The following MARCO variants were observed in gnomAD, a reference collection of about 807,000 sequenced individuals.
MARCO encodes the protein macrophage receptor MARCO.
In MARCO, 72 loss-of-function variants were observed where a neutral mutation model predicts 70.0. The ratio of observed to expected loss-of-function variants is 1.03; its 90% CI spans 0.85 to 1.25. MARCO has a LOEUF of 1.25. Among genes scored for constraint, MARCO ranks in the 50% most tolerant of loss-of-function variants. MARCO has a pLI of 0.00. For synonymous variants in MARCO, 273 were observed against 243.1 expected (o/e 1.12, Z -1.14); for missense variants, 696 against 659.3 (o/e 1.06, Z -0.61).
In MARCO at chr2:118,971,625, G is replaced by A. The variant is rs561349737; in HGVS notation, c.460+91G>A. On this transcript the variant is annotated intron_variant, in intron 4 of 16. Coordinates refer to ENST00000327097, the MANE Select transcript of MARCO (RefSeq NM_006770.4). The stretch of plus-strand genomic sequence containing the variant: ...GCCTGTGCCATTCTGGGTCTGGACA[G>A]CTGACCCTAGCTTACCTTCCCCTGT... 4.7e-6 allele frequency: 6 copies of A among 1,271,270 alleles called. No homozygotes were observed. The South Asian group carries it at 6.4e-5, about 14-fold the overall frequency. 78.7% of individuals were successfully genotyped at this position (1,271,270 alleles called of 1,614,324 possible).
chr2:118,984,601 T>C (rs1680451301), intron 12 of MARCO, among the ~76,000 whole-genome samples: 1 of 152,216 alleles, frequency 6.6e-6, no homozygotes, highest in African/African-American at 2.4e-5. Context: ...TAGCTGACAG[T>C]CCACATGGAC....
intron 1 of MARCO, among the ~76,000 whole-genome samples, chr2:118,965,291 A>G (rs974064345): frequency 1.3e-5 from 2 of 152,158 alleles, no homozygotes; most frequent in Admixed American, 1.3e-4. Context: ...CTATTGTTCT[A>G]TCATCGAGTT....
intron 8 of MARCO, among the ~76,000 whole-genome samples, chr2:118,981,146 C>T (rs899040813): frequency 6.6e-6 from 1 of 151,886 alleles, no homozygotes; most frequent in Non-Finnish European, 1.5e-5. Flanking sequence ...GGCTATTGTC[C>T]CTCCCAAGGG....
chr2:118,949,029 G>A (rs1679664060), intron 1 of MARCO, among the ~76,000 whole-genome samples: 1 of 152,190 alleles, frequency 6.6e-6, no homozygotes, highest in Non-Finnish European at 1.5e-5. Context: ...AAGTCTCCAA[G>A]GAATGCCAGA....
intron 8 of MARCO, among the ~76,000 whole-genome samples, chr2:118,980,690 A>C (rs1363688641): frequency 6.6e-6 from 1 of 152,118 alleles, no homozygotes; most frequent in African/African-American, 2.4e-5. Context: ...TTGAGCACGG[A>C]CACCCAGCTG....
At chr2:118,976,428 C>G (rs1680285586) in intron 6 of MARCO, among the ~76,000 whole-genome samples, 1 of 152,070 alleles carries the variant, frequency 6.6e-6, no homozygotes, top group African/African-American at 2.4e-5. Flanking sequence ...CCCACCTCCT[C>G]TCACTCCTCT....
In MARCO at chr2:118,971,527, C is replaced by G; in HGVS notation, c.453C>G (p.Gly151=). 1 of 1,613,938 alleles carries G rather than the reference C, an allele frequency of 6.2e-7. No individual in the cohort carries two copies. The highest frequency in any genetic ancestry group is 1.1e-5 in the South Asian group (1 of 91,062). The change falls in exon 4 of 17, where the codon GGC becomes GGG. Residue 151 remains glycine (G), a synonymous_variant. Coordinates refer to ENST00000327097, the MANE Select transcript of MARCO (RefSeq NM_006770.4). Reference sequence around the variant, plus strand: ...TGTTCAGAATCAAAGGTGAACAAGGCGCCCCAGGTAGGTTCATTTCCACTC... The same window carrying G: ...TGTTCAGAATCAAAGGTGAACAAGGGGCCCCAGGTAGGTTCATTTCCACTC... ...PGMFRIKGEQ[G]APGLQGHKGA... is the part of the protein sequence containing the mutation.
In MARCO at chr2:118,942,249, AG is replaced by A; in HGVS notation, c.-48del. On this transcript the variant is annotated 5_prime_UTR_variant, in exon 1 of 17. Transcript: ENST00000327097. ...ATCTTTCTCCAAGTGGTTCCTCTTG[AG>A]GGGAGCATTTCTGCTGGCTCCAGGA... 1 of 1,218,896 alleles carries A rather than the reference AG, an allele frequency of 8.2e-7. No homozygotes were observed. Among genetic ancestry groups the A allele is most frequent in the Non-Finnish European group, 1.2e-6 (1 of 822,872 alleles). 75.5% of individuals were successfully genotyped at this position (1,218,896 alleles called of 1,614,324 possible).
intron 1 of MARCO, among the ~76,000 whole-genome samples, chr2:118,951,429 T>C (rs1322147266): frequency 6.6e-6 from 1 of 152,160 alleles, no homozygotes; most frequent in Non-Finnish European, 1.5e-5. Flanking sequence ...AGCTTTTGGG[T>C]TTTGTTGTTT....
intron 1 of MARCO, among the ~76,000 whole-genome samples, chr2:118,964,109 T>G (rs28886589): frequency 0.094 from 14,374 of 152,206 alleles, 1,274 homozygotes; most frequent in African/African-American, 0.23. Flanking sequence ...ATATCAACAT[T>G]TTACCATTTT....
chr2:118,993,263 T>C lies in MARCO; in HGVS notation c.1392T>C (p.Gly464=). ...CCATTGTCTTCTGCCGCATGCTGGG[T>C]TACTCCAAAGGAAGGGCCCTGTACA... is the stretch of plus-strand genomic sequence containing the variant. The part of the protein sequence containing the change: ...SDAIVFCRML[G]YSKGRALYKV... Residue 464 remains glycine (G), a synonymous_variant, in exon 16 of 17, where the codon GGT becomes GGC. Transcript: ENST00000327097. The C allele has an allele frequency of 6.2e-7, 1 of 1,614,124 alleles. No individual in the cohort carries two copies. The highest frequency in any genetic ancestry group is 8.5e-7 in the Non-Finnish European group (1 of 1,180,026).
At chr2:118,984,554 G>A (rs1198307549) in intron 12 of MARCO, among the ~76,000 whole-genome samples, 3 of 152,158 alleles carry the variant, frequency 2.0e-5, no homozygotes, top group Non-Finnish European at 4.4e-5. Flanking sequence ...AACTGTGCAG[G>A]TTGCCCACCC....
At chr2:118,956,841 C>G (rs998742348) in intron 1 of MARCO, among the ~76,000 whole-genome samples, 1 of 152,082 alleles carries the variant, frequency 6.6e-6, no homozygotes, top group Non-Finnish European at 1.5e-5. Flanking sequence ...CCAAAAGGAA[C>G]CTTCAAAGCC....
At chr2:118,968,906 C>T (rs369325225) in intron 1 of MARCO, among the ~76,000 whole-genome samples, 11 of 152,176 alleles carry the variant, frequency 7.2e-5, no homozygotes, top group African/African-American at 2.7e-4. Context: ...GATATGACAC[C>T]TTTTCCAGCA....
chr2:118,951,310 G>A (rs951981204), intron 1 of MARCO, among the ~76,000 whole-genome samples: 14 of 152,210 alleles, frequency 9.2e-5, no homozygotes, highest in African/African-American at 2.7e-4. Flanking sequence ...TTAGATCCCC[G>A]TTAGGAAACC....
intron 16 of MARCO, among the ~76,000 whole-genome samples, chr2:118,993,836 A>G (rs1336431162): frequency 6.6e-6 from 1 of 152,196 alleles, no homozygotes; most frequent in Non-Finnish European, 1.5e-5. Flanking sequence ...CTCAGCCTAT[A>G]TCTTTCAGCC....
At chr2:118,984,411 GTTCTCCAATAATTAGGCC>G (rs1680448494) in intron 12 of MARCO, among the ~76,000 whole-genome samples, 2 of 152,194 alleles carry the variant, frequency 1.3e-5, no homozygotes, top group Admixed American at 1.3e-4. Flanking sequence ...CCCTTATGGA[GTTCTCCAATAATTAGGCC>G]TAGTGGTGAG....
At chr2:118,968,380 G>C (rs1409558082) in intron 1 of MARCO, among the ~76,000 whole-genome samples, 1 of 152,182 alleles carries the variant, frequency 6.6e-6, no homozygotes, top group Non-Finnish European at 1.5e-5. Context: ...AAGAAAACTA[G>C]GAAAATGTCC....
At chr2:118,969,122 C>G (rs760538627) in intron 1 of MARCO, 38 bp from the exon 2 acceptor site, 1 of 1,450,934 alleles carries the variant, frequency 6.9e-7, no homozygotes, top group Non-Finnish European at 9.7e-7. Context: ...GTGCTGTGTT[C>G]TCTGCAGCAG....
Sources: allele counts gnomAD v4.1 joint callset (sites outside exome capture counted in the v4.1 genomes callset), GRCh38; gene constraint gnomAD v4.1.1; transcripts MANE v1.5; gene names NCBI Gene and HGNC (gene_info 2026-07-23, HGNC 2026-07-21).